NRDC: variants seen among roughly 807,000 people sequenced by gnomAD.
NRDC encodes the protein nardilysin.
NRDC carries 54 observed loss-of-function variants against 147.1 expected under a neutral mutation model. The ratio of observed to expected loss-of-function variants is 0.37; its 90% CI spans 0.29 to 0.46. The LOEUF (loss-of-function observed/expected upper bound fraction) is 0.46. Ranked by LOEUF, NRDC falls within the 20% of genes least tolerant of loss-of-function variation. NRDC has a pLI of 1.00. For missense variants in NRDC, 1,082 were observed against 1,370.6 expected, an observed-to-expected ratio of 0.79 and a Z score of 3.33; for synonymous variants, 440 against 482.1, an observed-to-expected ratio of 0.91 and a Z score of 1.14.
At chr1:51,817,084 T>C (rs1457988566) in intron 10 of NRDC, among the ~76,000 whole-genome samples, 1 of 152,190 alleles carries the variant, frequency 6.6e-6, no homozygotes, top group African/African-American at 2.4e-5. Flanking sequence ...CAGAAAAAAA[T>C]TGAGTTTTCT....
intron 10 of NRDC, 27 bp from the exon 11 acceptor site, chr1:51,816,416 G>T: frequency 7.0e-7 from 1 of 1,428,842 alleles, no homozygotes; most frequent in Non-Finnish European, 9.5e-7. Flanking sequence ...ATGGTCAGAA[G>T]AAAAAAACAA....
intron 1 of NRDC, among the ~76,000 whole-genome samples, chr1:51,877,179 T>C (rs1291769816): frequency 7.2e-6 from 1 of 138,366 alleles, no homozygotes; most frequent in African/African-American, 2.5e-5. Context: ...ACAGCAAGAC[T>C]CCGTTTCAAA....
At chr1:51,816,224 A>T (rs1384818462) in intron 11 of NRDC, 88 bp downstream of exon 11, 3 of 665,438 alleles carry the variant, frequency 4.5e-6, no homozygotes, top group Non-Finnish European at 7.0e-6. Context: ...CCTGGCAGCT[A>T]AAGTAAAAGA....
intron 1 of NRDC, among the ~76,000 whole-genome samples, chr1:51,853,562 G>GT (rs1682089280): frequency 6.6e-6 from 1 of 152,204 alleles, no homozygotes; most frequent in African/African-American, 2.4e-5. Flanking sequence ...TTGGTGGGGA[G>GT]TGGCATCCTA....
chr1:51,872,106 C>T (rs1329816866), intron 1 of NRDC, among the ~76,000 whole-genome samples: 7 of 152,024 alleles, frequency 4.6e-5, no homozygotes, highest in Admixed American at 3.3e-4. Flanking sequence ...CCTGACCTCA[C>T]GTGATCCACC....
intron 26 of NRDC, 23 bp downstream of exon 26, chr1:51,792,021 TCA>T (rs763021001): frequency 6.2e-7 from 1 of 1,613,746 alleles, no homozygotes; most frequent in South Asian, 1.1e-5. Flanking sequence ...TTATTTGAGC[TCA>T]GTGGCCCTGC....
chr1:51,825,518 G>A, intron 5 of NRDC, 136 bp from the exon 6 acceptor site: 1 of 687,136 alleles, frequency 1.5e-6, no homozygotes, highest in Non-Finnish European at 2.4e-6. Flanking sequence ...AGACTGAAGT[G>A]GGAAACTCAA....
intron 14 of NRDC, 24 bp from the exon 15 acceptor site, chr1:51,812,122 C>T (rs754584450): frequency 6.9e-6 from 10 of 1,443,234 alleles, no homozygotes; most frequent in Non-Finnish European, 7.8e-6. Flanking sequence ...AATTATTTCA[C>T]ACCAGAACTT....
chr1:51,875,860 T>C (rs1024105673), intron 1 of NRDC, among the ~76,000 whole-genome samples: 2 of 152,136 alleles, frequency 1.3e-5, no homozygotes, highest in African/African-American at 4.8e-5. Flanking sequence ...TCTCTAATTT[T>C]TTTTTTTATG....
In NRDC at chr1:51,794,511, G is replaced by A. The variant is rs766562024; in HGVS notation, c.2736C>T (p.Asn912=). The A allele has an allele frequency of 6.2e-7, 1 of 1,614,180 alleles. No individual in the cohort carries two copies. Among genetic ancestry groups the A allele is most frequent in the Non-Finnish European group, 8.5e-7 (1 of 1,180,018 alleles). ...TGACTTCAGAGTTGGCATCACCCTT[G>A]TTCAGAGCTTTCACTTTGCATAGAT... ...GHHLCKVKAL[N]KGDANSEVTV... The change falls in exon 24 of 31, where the codon AAC becomes AAT. Residue 912 remains asparagine (N), a synonymous_variant. Coordinates refer to ENST00000352171, the MANE Select transcript of NRDC (RefSeq NM_001101662.2).
chr1:51,811,784 T>A (rs1293550079), intron 15 of NRDC, among the ~76,000 whole-genome samples: 2 of 152,120 alleles, frequency 1.3e-5, no homozygotes, highest in Admixed American at 1.3e-4. Flanking sequence ...AAGTACTGAG[T>A]TTGATTTTCT....
At chr1:51,850,314 T>C (rs531334375) in intron 1 of NRDC, among the ~76,000 whole-genome samples, 3 of 151,350 alleles carry the variant, frequency 2.0e-5, no homozygotes, top group East Asian at 1.9e-4. Context: ...TATATAATAC[T>C]GTTACAATGC....
At chr1:51,849,778 T>C (rs996330356) in intron 1 of NRDC, among the ~76,000 whole-genome samples, 1 of 151,542 alleles carries the variant, frequency 6.6e-6, no homozygotes, top group African/African-American at 2.4e-5. Flanking sequence ...ATCGCGCCAT[T>C]GCACTCCAGC....
chr1:51,849,005 T>C (rs1681798143), intron 1 of NRDC, among the ~76,000 whole-genome samples: 1 of 152,212 alleles, frequency 6.6e-6, no homozygotes, highest in South Asian at 2.1e-4. Context: ...ACAGTCATAC[T>C]ATATTACTGG....
chr1:51,840,396 CTT>C lies in NRDC; in HGVS notation c.458_459del (p.Glu153GlyfsTer3). The C allele has an allele frequency of 6.4e-7, 1 of 1,566,552 alleles. No homozygotes were observed. Among genetic ancestry groups the C allele is most frequent in the East Asian group, 2.2e-5 (1 of 44,508 alleles). On this transcript the variant is annotated frameshift_variant, in exon 2 of 31. Transcript: ENST00000352171. LOFTEE classifies it high-confidence loss of function. The stretch of plus-strand genomic sequence containing the variant: ...GCTCCAGAATCTTCATCATCATCTT[CTT>C]CTTCTTCCTCCACCTCCTCTTCTTC... Reference protein sequence around the residue: ...DEEEEEVEEEEEDDDEDSGAE... With the variant: ...DEEEEEVEEEXEDDDEDSGAE...
At chr1:51,871,042 C>T (rs192093769) in intron 1 of NRDC, among the ~76,000 whole-genome samples, 47 of 152,178 alleles carry the variant, frequency 3.1e-4, no homozygotes, top group Middle Eastern at 3.4e-3. Flanking sequence ...CTTGGCCGGG[C>T]GTGGTGCCTC....
chr1:51,812,217 A>ATGT, intron 14 of NRDC, 119 bp from the exon 15 acceptor site: 1 of 645,182 alleles, frequency 1.5e-6, no homozygotes, highest in Non-Finnish European at 2.7e-6. Context: ...TTCTGAACAG[A>ATGT]TACAACGAGA....
chr1:51,853,128 G>A (rs1682060180), intron 1 of NRDC, among the ~76,000 whole-genome samples: 1 of 151,928 alleles, frequency 6.6e-6, no homozygotes, highest in Admixed American at 6.6e-5. Flanking sequence ...GAAGGCTGAG[G>A]CAGGAGAATC....
chr1:51,839,431 T>C (rs559061635), intron 2 of NRDC, among the ~76,000 whole-genome samples: 1 of 152,222 alleles, frequency 6.6e-6, no homozygotes, highest in East Asian at 1.9e-4. Flanking sequence ...TCTTTGTATG[T>C]AGACTGTACC....
Sources: allele counts gnomAD v4.1 joint callset (sites outside exome capture counted in the v4.1 genomes callset), GRCh38; gene constraint gnomAD v4.1.1; transcripts MANE v1.5; gene names NCBI Gene and HGNC (gene_info 2026-07-23, HGNC 2026-07-21).